MECOM: variants seen among roughly 807,000 people sequenced by gnomAD.
MECOM encodes MDS1 and EVI1 complex locus.
A neutral mutation model predicts 116.3 loss-of-function variants in MECOM; 13 were observed. The observed-to-expected ratio is 0.11, with a 90% CI of 0.07 to 0.18. The LOEUF is 0.18. MECOM is among the 10% of genes least tolerant of loss of function. The probability of loss-of-function intolerance (pLI) is 1.00; values close to 1 mark genes in which losing one functional copy is unlikely to be tolerated. For synonymous variants in MECOM, 528 were observed against 535.2 expected (o/e 0.99, Z 0.19); for missense variants, 1,299 against 1,509.0 (o/e 0.86, Z 2.31).
chr3:169,109,445 A>T (rs1819859), intron 9 of MECOM, among the ~76,000 whole-genome samples: 1 of 150,620 alleles, frequency 6.6e-6, no homozygotes, highest in African/African-American at 2.4e-5. Flanking sequence ...TTGGACTTTC[A>T]CTCTTGTTGC....
At chr3:169,471,284 A>G (rs189255710) in intron 1 of MECOM, among the ~76,000 whole-genome samples, 1 of 151,162 alleles carries the variant, frequency 6.6e-6, no homozygotes, top group Non-Finnish European at 1.5e-5. Flanking sequence ...GAGCCACCAC[A>G]CCCAGCCTCA....
intron 5 of MECOM, among the ~76,000 whole-genome samples, chr3:169,124,809 T>C (rs1007115347): frequency 6.6e-6 from 1 of 152,070 alleles, no homozygotes; most frequent in African/African-American, 2.4e-5. Flanking sequence ...AAAAAACTTA[T>C]TTAGAAAAGA....
intron 1 of MECOM, among the ~76,000 whole-genome samples, chr3:169,433,090 G>T (rs16853727): frequency 7.2e-5 from 11 of 152,076 alleles, no homozygotes; most frequent in Non-Finnish European, 1.6e-4. Context: ...TTATAGAAAC[G>T]GTGAGACCCA....
chr3:169,419,135 T>A (rs764965856), intron 1 of MECOM, among the ~76,000 whole-genome samples: 8 of 151,972 alleles, frequency 5.3e-5, no homozygotes, highest in Non-Finnish European at 1.0e-4. Context: ...TGAGTGAATG[T>A]CATTCATAAT....
chr3:169,346,124 T>C (rs1224409662), intron 2 of MECOM, among the ~76,000 whole-genome samples: 1 of 152,116 alleles, frequency 6.6e-6, no homozygotes, highest in Non-Finnish European at 1.5e-5. Context: ...GCCATCACTC[T>C]GTGAAGGTAC....
chr3:169,208,333 T>G (rs1193509545), intron 2 of MECOM, among the ~76,000 whole-genome samples: 1 of 148,874 alleles, frequency 6.7e-6, no homozygotes, highest in Non-Finnish European at 1.5e-5. Context: ...ATATATATAA[T>G]GTATAGCAAA....
chr3:169,217,974 T>C (rs1344729318), intron 2 of MECOM, among the ~76,000 whole-genome samples: 1 of 151,466 alleles, frequency 6.6e-6, no homozygotes, highest in Non-Finnish European at 1.5e-5. Flanking sequence ...TTATACATCC[T>C]AAATTATCAG....
Position 169,498,020 on chromosome 3 carries a change from A to T in MECOM, c.38-116496T>A, listed in dbSNP as rs142725742. Among the ~76,000 whole-genome samples the T allele has an allele frequency of 5.6e-3, 842 of 151,706 alleles. 11 individuals are homozygous for T. The highest frequency in any genetic ancestry group is 0.02 in the African/African-American group (819 of 41,366). ...CCTTCTCTTCTCTAGAGTCTTAAAAACTCCTTCAGACTTCAACTGAATATG... is the reference window on the plus strand; with the variant it reads ...CCTTCTCTTCTCTAGAGTCTTAAAATCTCCTTCAGACTTCAACTGAATATG... On this transcript the variant is annotated intron_variant, in intron 1 of 16. Transcript: ENST00000651503.
intron 1 of MECOM, among the ~76,000 whole-genome samples, chr3:169,478,242 C>A (rs1409238969): frequency 6.6e-6 from 1 of 152,166 alleles, no homozygotes; most frequent in African/African-American, 2.4e-5. Context: ...TCATTAATGT[C>A]ATTCCATTTC....
At chr3:169,097,943 A>G (rs2148918528) in intron 12 of MECOM, among the ~76,000 whole-genome samples, 1 of 151,342 alleles carries the variant, frequency 6.6e-6, no homozygotes, top group East Asian at 2.0e-4. Context: ...TACATAAAGT[A>G]TTAAAACCTA....
In MECOM at chr3:169,441,743, TTAAAAAA is replaced by T. The variant is rs1560279112; in HGVS notation, c.38-60226_38-60220del. 3.5e-5 allele frequency among the ~76,000 whole-genome samples: 5 copies of T among 144,918 alleles called. 1 individual carries two copies. Among genetic ancestry groups the T allele is most frequent in the South Asian group, 2.2e-4 (1 of 4,524 alleles). ...TTCTTCTCTTCTTTTTTTTTTTTTT[TTAAAAAA>T]GGGGGGGTCTTGCTCTGTCACCCAG... On this transcript the variant is annotated intron_variant, in intron 1 of 16. Coordinates refer to ENST00000651503, the MANE Select transcript of MECOM (RefSeq NM_004991.4).
At chr3:169,444,714 G>A (rs904160771) in intron 1 of MECOM, among the ~76,000 whole-genome samples, 1 of 152,174 alleles carries the variant, frequency 6.6e-6, no homozygotes, top group African/African-American at 2.4e-5. Flanking sequence ...TGGGTAACAG[G>A]CAGAGATTGG....
intron 1 of MECOM, among the ~76,000 whole-genome samples, chr3:169,534,110 C>T (rs1759020061): frequency 6.6e-6 from 1 of 152,120 alleles, no homozygotes; most frequent in African/African-American, 2.4e-5. Flanking sequence ...CTCTCCTGCA[C>T]CCAGCAGATG....
intron 1 of MECOM, among the ~76,000 whole-genome samples, chr3:169,497,297 A>G (rs1368201338): frequency 1.3e-5 from 2 of 151,990 alleles, no homozygotes; most frequent in Non-Finnish European, 2.9e-5. Context: ...TTCTTTTGCA[A>G]TAGCCCACTA....
At chr3:169,470,827 T>A (rs553038064) in intron 1 of MECOM, among the ~76,000 whole-genome samples, 39 of 152,070 alleles carry the variant, frequency 2.6e-4, no homozygotes, top group South Asian at 8.3e-4. Context: ...TAAAAAAAAA[T>A]GTCTATTTTA....
intron 2 of MECOM, among the ~76,000 whole-genome samples, chr3:169,302,762 G>C (rs1349791317): frequency 1.3e-5 from 2 of 151,976 alleles, no homozygotes; most frequent in Non-Finnish European, 2.9e-5. Context: ...TACTCAGGAG[G>C]CTGAGGCAGG....
intron 1 of MECOM, among the ~76,000 whole-genome samples, chr3:169,413,125 G>T (rs905032991): frequency 3.3e-5 from 5 of 152,244 alleles, no homozygotes; most frequent in African/African-American, 1.2e-4. Context: ...GCAGAAGGCA[G>T]GTGATTTCTG....
intron 2 of MECOM, among the ~76,000 whole-genome samples, chr3:169,327,435 C>A (rs377513229): frequency 6.6e-6 from 1 of 152,058 alleles, no homozygotes; most frequent in Admixed American, 6.5e-5. Context: ...GTGAGGAGTT[C>A]GAGACCAGCC....
rs79082644 is a variant in MECOM, at chr3:169,245,609, A to G, written c.376-101777T>C. 5.3e-3 allele frequency among the ~76,000 whole-genome samples: 807 copies of G among 152,336 alleles called. 12 individuals are homozygous for G. Among genetic ancestry groups the G allele is most frequent in the African/African-American group, 0.019 (777 of 41,574 alleles). On this transcript the variant is annotated intron_variant, in intron 2 of 16. Transcript: ENST00000651503. The stretch of plus-strand genomic sequence containing the variant: ...TCTACAACCTATCACTCAGACTTTT[A>G]GACCCTAGTGGAGAACAAAACTGAG...
Sources: gnomAD v4.1 joint callset for allele counts (sites outside exome capture counted in the v4.1 genomes callset) on GRCh38, gnomAD v4.1.1 for gene constraint, MANE v1.5 for transcripts, NCBI Gene and HGNC (gene_info 2026-07-23, HGNC 2026-07-21) for gene names.